SLC24A5: variants seen among roughly 807,000 people sequenced by gnomAD.
SLC24A5 encodes the protein solute carrier family 24 member 5, also known as sodium/potassium/calcium exchanger 5.
A neutral mutation model predicts 51.6 loss-of-function variants in SLC24A5; 46 were observed. That is an observed-to-expected ratio of 0.89 (90% CI 0.70 to 1.14). The LOEUF (loss-of-function observed/expected upper bound fraction) is 1.14, where lower values mean the gene tolerates loss of function less well. SLC24A5 is among the 50% of genes most tolerant of loss of function. SLC24A5 has a pLI of 0.00. For synonymous variants in SLC24A5, 230 were observed against 214.9 expected (o/e 1.07, Z -0.62); for missense variants, 581 against 604.1 (o/e 0.96, Z 0.40).
chr15:48,121,216 GC>G, intron 1 of SLC24A5, 51 bp downstream of exon 1: 1 of 1,546,560 alleles, frequency 6.5e-7, no homozygotes, highest in African/African-American at 1.4e-5. Flanking sequence ...TGCTGCTGCT[GC>G]TACCACATAC....
In SLC24A5 at chr15:48,141,160, G is replaced by C; in HGVS notation, c.1126G>C (p.Ala376Pro). 6.2e-7 allele frequency: 1 copy of C among 1,613,922 alleles called. No individual in the cohort carries two copies. The highest frequency in any genetic ancestry group is 2.2e-5 in the East Asian group (1 of 44,880). ...PDTVMGLTLLAAGTSIPDTIA... is the reference protein window; with the variant it reads ...PDTVMGLTLLPAGTSIPDTIA... ...TACAGTAATGGGCCTTACTTTATTA[G>C]CAGCAGGAACAAGCATACCAGACAC... Residue 376 changes from alanine (A) to proline (P), a missense_variant, in exon 8 of 9, where the codon GCA becomes CCA. Physicochemically the swap from Ala to Pro is conservative, Grantham distance 27 (BLOSUM62 -1). Transcript: ENST00000341459.
intron 6 of SLC24A5, chr15:48,137,308 A>G: frequency 4.6e-6 from 1 of 215,994 alleles, no homozygotes; most frequent in South Asian, 9.6e-5. Flanking sequence ...TTAACTAATG[A>G]CATATGTTAT....
At chr15:48,121,697 T>G (rs1460025773) in intron 1 of SLC24A5, among the ~76,000 whole-genome samples, 160 bp from the exon 2 acceptor site, 1 of 152,178 alleles carries the variant, frequency 6.6e-6, no homozygotes, top group East Asian at 1.9e-4. Context: ...TTGAAAACTC[T>G]ACAACTGTGT....
At chr15:48,135,077 C>T (rs1431657074) in intron 5 of SLC24A5, 93 bp downstream of exon 5, 5 of 889,450 alleles carry the variant, frequency 5.6e-6, no homozygotes, top group Non-Finnish European at 9.0e-6. Context: ...ATTTCAGTCA[C>T]TTAATCTGCC....
intron 2 of SLC24A5, among the ~76,000 whole-genome samples, chr15:48,126,541 T>A (rs2038733454): frequency 6.6e-6 from 1 of 152,110 alleles, no homozygotes; most frequent in Non-Finnish European, 1.5e-5. Context: ...GGAAAAGAGT[T>A]AAAGATGTGA....
chr15:48,141,936 C>A lies in SLC24A5; in HGVS notation c.1181-93C>A, dbSNP rs1310204810. On this transcript the variant is annotated intron_variant, in intron 8 of 8. Coordinates refer to ENST00000341459, the MANE Select transcript of SLC24A5 (RefSeq NM_205850.3). ...ACAATTTTTCAAAACGAATCAACAA[C>A]AAAAAAGTATCCAGTGTTTCTTTTC... 3.1e-6 allele frequency: 3 copies of A among 977,770 alleles called. No individual in the cohort carries two copies. In the Admixed American group the frequency reaches 7.9e-5, roughly 26 times the overall value. The allele number at this position is 977,770 out of a possible 1,614,324, so 60.6% of individuals were successfully genotyped here.
At position 48,136,790 on chromosome 15, in the gene SLC24A5, C is replaced by A; in HGVS notation, c.698C>A (p.Ala233Asp). 1 of 1,613,792 alleles carries A rather than the reference C, an allele frequency of 6.2e-7. No homozygotes were observed. Among genetic ancestry groups the A allele is most frequent in the South Asian group, 1.1e-5 (1 of 91,074 alleles). Reference protein sequence around the residue: ...YIIKKCSPCCACLAKAMERSE... With the variant: ...YIIKKCSPCCDCLAKAMERSE... ...ATAAAGAAATGCAGTCCTTGCTGCG[C>A]CTGTCTTGCCAAAGCTATGGAGAGA... The change falls in exon 6 of 9, where the codon GCC (alanine) becomes GAC (aspartate). Residue 233 changes from alanine to aspartate, a missense_variant. Physicochemically the swap from Ala to Asp is moderately radical, Grantham distance 126. Transcript: ENST00000341459.
chr15:48,134,874 C>G lies in SLC24A5; in HGVS notation c.490-10C>G, dbSNP rs1319134286. 1 of 1,585,210 alleles carries G rather than the reference C, an allele frequency of 6.3e-7. No individual in the cohort carries two copies. The highest frequency in any genetic ancestry group is 8.6e-7 in the Non-Finnish European group (1 of 1,159,320). On this transcript the variant is annotated splice_polypyrimidine_tract_variant and intron_variant, in intron 4 of 8. Transcript: ENST00000341459. ...CAATGTAATGGAAATAATAACTTAC[C>G]ATATTACAGGTCTCAACACTATCAT...
intron 6 of SLC24A5, chr15:48,138,683 T>C: frequency 3.4e-6 from 1 of 292,098 alleles, no homozygotes; most frequent in Admixed American, 4.6e-5. Flanking sequence ...CAATTGACAC[T>C]TCATAAACAC....
chr15:48,123,747 T>G (rs1458283221), intron 2 of SLC24A5: 1 of 152,190 alleles, frequency 6.6e-6, no homozygotes, highest in East Asian at 1.9e-4. Flanking sequence ...TTTTAAGTCT[T>G]ATGATATATA....
At chr15:48,137,843 A>C (rs1416718152) in intron 6 of SLC24A5, 1 of 152,134 alleles carries the variant, frequency 6.6e-6, no homozygotes, top group African/African-American at 2.4e-5. Context: ...CAATAGCAAA[A>C]CTTTTAGGTA....
rs761632449 is a variant in SLC24A5, at chr15:48,141,161, C to T, written c.1127C>T (p.Ala376Val). 1 of 1,613,854 alleles carries T rather than the reference C, an allele frequency of 6.2e-7. No homozygotes were observed. The highest frequency in any genetic ancestry group is 8.5e-7 in the Non-Finnish European group (1 of 1,179,828). ...ACAGTAATGGGCCTTACTTTATTAG[C>T]AGCAGGAACAAGCATACCAGACACA... is the stretch of plus-strand genomic sequence containing the variant. Reference protein sequence around the residue: ...PDTVMGLTLLAAGTSIPDTIA... With the variant: ...PDTVMGLTLLVAGTSIPDTIA... The change falls in exon 8 of 9, where the codon GCA (alanine) becomes GTA (valine). Residue 376 changes from alanine to valine, a missense_variant. Coordinates refer to ENST00000341459, the MANE Select transcript of SLC24A5 (RefSeq NM_205850.3).
rs760378881 is a variant in SLC24A5 at position 48,139,164 on chromosome 15, T to C, written c.1067T>C (p.Val356Ala). 1 of 1,610,162 alleles carries C rather than the reference T, an allele frequency of 6.2e-7. No individual in the cohort carries two copies. Among genetic ancestry groups the C allele is most frequent in the Non-Finnish European group, 8.5e-7 (1 of 1,177,338 alleles). ...SAFTYILVWM[V>A]TITGETLEIP... is the part of the protein sequence containing the mutation. The stretch of plus-strand genomic sequence containing the variant: ...TTTACATATATCCTGGTTTGGATGG[T>C]CACAATAACTGGTATGTATTTTAAG... The change falls in exon 7 of 9, where the codon GTC becomes GCC. Residue 356 changes from valine to alanine, a missense_variant. Val to Ala is a moderately conservative substitution (Grantham distance 64). Coordinates refer to ENST00000341459, the MANE Select transcript of SLC24A5 (RefSeq NM_205850.3).
rs2039077189 is a variant in SLC24A5, at chr15:48,141,340, A to G, written c.1180+126A>G. ...GCGCCTGTAATCCCAGGATTTTGGG[A>G]GGCCGAGGCGGGTGGATCACGAGGT... On this transcript the variant is annotated intron_variant, in intron 8 of 8. Coordinates refer to ENST00000341459, the MANE Select transcript of SLC24A5 (RefSeq NM_205850.3). The G allele has an allele frequency of 1.0e-5, 7 of 680,190 alleles. No homozygotes were observed. In the South Asian group the frequency reaches 1.3e-4, roughly 12 times the overall value. 42.1% of individuals were successfully genotyped at this position (680,190 alleles called of 1,614,324 possible).
chr15:48,125,250 A>AT (rs2038719271), intron 2 of SLC24A5, among the ~76,000 whole-genome samples: 1 of 149,898 alleles, frequency 6.7e-6, no homozygotes, highest in African/African-American at 2.4e-5. Context: ...TGAAAGATAT[A>AT]TATCTTATAA....
chr15:48,137,023 C>A, intron 6 of SLC24A5, 60 bp downstream of exon 6: 2 of 1,496,026 alleles, frequency 1.3e-6, no homozygotes, highest in Admixed American at 2.1e-5. Flanking sequence ...TTTAAAATTT[C>A]ATTTCAATTC....
chr15:48,133,973 A>G (rs2038831037), intron 2 of SLC24A5, among the ~76,000 whole-genome samples: 1 of 152,100 alleles, frequency 6.6e-6, no homozygotes, highest in African/African-American at 2.4e-5. Context: ...ACTCACCTAC[A>G]AGCCCTCTGC....
rs2039104415 is a variant in SLC24A5 at position 48,141,942 on chromosome 15, A to G, written c.1181-87A>G. 4.0e-6 allele frequency: 4 copies of G among 1,001,572 alleles called. No individual in the cohort carries two copies. In the East Asian group the frequency reaches 1.0e-4, roughly 25 times the overall value. 62.0% of individuals were successfully genotyped at this position (1,001,572 alleles called of 1,614,324 possible). A position where few individuals can be genotyped will look rare whatever the true frequency, so the allele number is the denominator to read the frequency against. On this transcript the variant is annotated intron_variant, in intron 8 of 8. Transcript: ENST00000341459. ...TTTCAAAACGAATCAACAACAAAAAAGTATCCAGTGTTTCTTTTCTTATGA... is the reference window on the plus strand; with the variant it reads ...TTTCAAAACGAATCAACAACAAAAAGGTATCCAGTGTTTCTTTTCTTATGA...
In SLC24A5 at chr15:48,141,215, G is replaced by GT. The variant is rs751251624; in HGVS notation, c.1180+2dup. 1 of 1,606,960 alleles carries GT rather than the reference G, an allele frequency of 6.2e-7. No homozygotes were observed. Among genetic ancestry groups the GT allele is most frequent in the Admixed American group, 1.7e-5 (1 of 59,980 alleles). On this transcript the variant is annotated splice_donor_variant, in intron 8 of 8. Transcript: ENST00000341459. LOFTEE classifies it high-confidence loss of function. ...GCAAGTGTGTTGGTTGCAAGAAAAG[G>GT]TAAGAACTAGGTCCCTCAAGCTGCA...
Sources: gnomAD v4.1 joint callset for allele counts (sites outside exome capture counted in the v4.1 genomes callset) on GRCh38, gnomAD v4.1.1 for gene constraint, MANE v1.5 for transcripts, NCBI Gene and HGNC (gene_info 2026-07-23, HGNC 2026-07-21) for gene names.